Variants in PIKFYVE observed in about 807,000 individuals in gnomAD.
The protein encoded by PIKFYVE is phosphoinositide kinase, FYVE-type zinc finger containing.
In PIKFYVE, 122 loss-of-function variants were observed where a neutral mutation model predicts 257.9. That is an observed-to-expected ratio of 0.47 (90% CI 0.41 to 0.55). The LOEUF is 0.55. PIKFYVE is among the 20% of genes least tolerant of loss of function. The pLI is 0.00. For missense variants in PIKFYVE, 2,160 were observed against 2,536.6 expected, an observed-to-expected ratio of 0.85 and a Z score of 3.19; for synonymous variants, 892 against 868.9, an observed-to-expected ratio of 1.03 and a Z score of -0.47.
chr2:208,266,091 G>C (rs34338022), upstream of PIKFYVE: 3,886 of 152,542 alleles, frequency 0.025, 43 homozygotes, highest in Middle Eastern at 0.037. Flanking sequence ...AGGCTGAAGC[G>C]GCCTAATCTC....
intron 17 of PIKFYVE, among the ~76,000 whole-genome samples, chr2:208,323,045 A>G (rs1190923294): frequency 6.6e-6 from 1 of 151,234 alleles, no homozygotes; most frequent in African/African-American, 2.4e-5. Context: ...TTATGGCTGC[A>G]GAGTATTCCA....
chr2:208,270,645 G>T (rs1689301832), intron 1 of PIKFYVE, among the ~76,000 whole-genome samples: 1 of 152,104 alleles, frequency 6.6e-6, no homozygotes, highest in Non-Finnish European at 1.5e-5. Context: ...AGTGTAGCTT[G>T]AGGTAATTGT....
intron 31 of PIKFYVE, among the ~76,000 whole-genome samples, chr2:208,340,509 T>G (rs1365498975): frequency 6.6e-6 from 1 of 152,216 alleles, no homozygotes. Flanking sequence ...CTAGCACTGA[T>G]GATGAACTAC....
At chr2:208,284,243 G>T (rs2125128020) in intron 5 of PIKFYVE, among the ~76,000 whole-genome samples, 1 of 149,642 alleles carries the variant, frequency 6.7e-6, no homozygotes, top group South Asian at 2.1e-4. Flanking sequence ...GTCCTCTCAA[G>T]AATATTTCAT....
chr2:208,316,208 C>G (rs371452255), intron 15 of PIKFYVE, among the ~76,000 whole-genome samples: 2 of 152,050 alleles, frequency 1.3e-5, no homozygotes, highest in Non-Finnish European at 2.9e-5. Flanking sequence ...CATGAACTCA[C>G]CCTTTTTTAT....
chr2:208,348,373 C>T (rs1201695016), intron 35 of PIKFYVE, among the ~76,000 whole-genome samples: 3 of 152,182 alleles, frequency 2.0e-5, no homozygotes, highest in South Asian at 2.1e-4. Context: ...TTTCATTCCA[C>T]TACTCCCTCA....
chr2:208,335,829 T>G lies in PIKFYVE; in HGVS notation c.4293T>G (p.Leu1431=), dbSNP rs1698082194. The G allele has an allele frequency of 6.2e-7, 1 of 1,613,152 alleles. No individual in the cohort carries two copies. Among genetic ancestry groups the G allele is most frequent in the Non-Finnish European group, 8.5e-7 (1 of 1,179,362 alleles). Residue 1431 remains leucine, a synonymous_variant, in exon 26 of 42, where the codon CTT becomes CTG. Coordinates refer to ENST00000264380, the MANE Select transcript of PIKFYVE (RefSeq NM_015040.4). ...TATATGTTGCCATTGATGAAAGACTTGCATCTTTGAAAACTGATACATTTA... is the reference window on the plus strand; with the variant it reads ...TATATGTTGCCATTGATGAAAGACTGGCATCTTTGAAAACTGATACATTTA... ...SQVYVAIDER[L]ASLKTDTFSK...
intron 39 of PIKFYVE, among the ~76,000 whole-genome samples, chr2:208,353,543 CTCT>C (rs1363475826): frequency 3.6e-5 from 5 of 139,908 alleles, no homozygotes; most frequent in African/African-American, 1.5e-4. Flanking sequence ...TTGCATCTCT[CTCT>C]TTTTTTTTTT....
At chr2:208,328,557 T>C (rs937367543) in intron 21 of PIKFYVE, among the ~76,000 whole-genome samples, 2 of 152,228 alleles carry the variant, frequency 1.3e-5, no homozygotes, top group African/African-American at 4.8e-5. Context: ...TCTGAAATGC[T>C]TGGGACCAGA....
At position 208,325,042 on chromosome 2, in the gene PIKFYVE, G is replaced by A; in HGVS notation, c.2458+5G>A. 6.2e-7 allele frequency: 1 copy of A among 1,614,110 alleles called. No homozygotes were observed. Among genetic ancestry groups the A allele is most frequent in the Non-Finnish European group, 8.5e-7 (1 of 1,179,982 alleles). On this transcript the variant is annotated splice_donor_5th_base_variant and intron_variant, in intron 19 of 41. Coordinates refer to ENST00000264380, the MANE Select transcript of PIKFYVE (RefSeq NM_015040.4). ...AGATATTTCAGTTGCCTAATGGTGA[G>A]TGATCTTTAGCATAGATTGACCTGA...
At chr2:208,302,409 T>C (rs189079527) in intron 10 of PIKFYVE, 56 bp downstream of exon 10, 1 of 1,407,428 alleles carries the variant, frequency 7.1e-7, no homozygotes, top group Non-Finnish European at 1.0e-6. Flanking sequence ...TTATAGTCTT[T>C]CTTCATCAGT....
At chr2:208,276,577 C>T (rs1022665519) in intron 3 of PIKFYVE, 135 bp from the exon 4 acceptor site, 28 of 757,508 alleles carry the variant, frequency 3.7e-5, no homozygotes, top group Non-Finnish European at 6.3e-5. Flanking sequence ...TGTTTTAACT[C>T]TCAATTCATA....
At chr2:208,309,928 A>G (rs1694766677) in intron 12 of PIKFYVE, among the ~76,000 whole-genome samples, 2 of 152,246 alleles carry the variant, frequency 1.3e-5, no homozygotes, top group African/African-American at 4.8e-5. Flanking sequence ...AGAATATTAC[A>G]GAGGAGGTTC....
In PIKFYVE at chr2:208,304,984, A is replaced by T; in HGVS notation, c.1607A>T (p.His536Leu). 6.2e-7 allele frequency: 1 copy of T among 1,614,114 alleles called. No homozygotes were observed. The highest frequency in any genetic ancestry group is 8.5e-7 in the Non-Finnish European group (1 of 1,180,004). ...ATCAAGAAGCCCTCCAAGTACCCAC[A>T]TGTGCCCCCTCACCCTGCTGACCAA... is the stretch of plus-strand genomic sequence containing the variant. ...FHIKKPSKYP[H>L]VPPHPADQKE... The change falls in exon 12 of 42, where the codon CAT becomes CTT. Residue 536 changes from histidine (H) to leucine (L), a missense_variant. Transcript: ENST00000264380.
chr2:208,355,433 G>T lies in PIKFYVE; in HGVS notation c.*128G>T, dbSNP rs10208191. ...TATGCCAAGGCTTTTCAGTTCTGTG[G>T]CTGTTTAGACTGTCCGTAATGGAAT... On this transcript the variant is annotated 3_prime_UTR_variant, in exon 42 of 42. Transcript: ENST00000264380. 723,792 of 750,252 alleles carry T rather than the reference G, an allele frequency of 0.96. 350,164 individuals carry two copies. The highest frequency in any genetic ancestry group is 0.98 in the Non-Finnish European group (439,083 of 446,516). 46.5% of individuals were successfully genotyped at this position (750,252 alleles called of 1,614,324 possible).
At chr2:208,314,559 T>G in intron 14 of PIKFYVE, 136 bp downstream of exon 14, 1 of 1,073,742 alleles carries the variant, frequency 9.3e-7, no homozygotes, top group Non-Finnish European at 1.3e-6. Flanking sequence ...CTAAGGTTAC[T>G]TAGGAAATAC....
chr2:208,331,598 A>G (rs1220807832), intron 23 of PIKFYVE, among the ~76,000 whole-genome samples: 2 of 152,180 alleles, frequency 1.3e-5, no homozygotes, highest in Non-Finnish European at 2.9e-5. Context: ...GCTGGTCTCA[A>G]ACTCCTGACC....
chr2:208,351,555 C>A, intron 38 of PIKFYVE, 100 bp downstream of exon 38: 2 of 991,242 alleles, frequency 2.0e-6, no homozygotes, highest in Non-Finnish European at 3.2e-6. Flanking sequence ...TAAAGAAATA[C>A]CTGAGGCTGG....
At chr2:208,267,027 G>A (rs201164525) in intron 1 of PIKFYVE, among the ~76,000 whole-genome samples, 1 of 152,186 alleles carries the variant, frequency 6.6e-6, no homozygotes, top group Non-Finnish European at 1.5e-5. Flanking sequence ...GGACTTAGGG[G>A]TTTTCTGCCC....
Sources: gnomAD v4.1 joint callset for allele counts (sites outside exome capture counted in the v4.1 genomes callset) on GRCh38, gnomAD v4.1.1 for gene constraint, MANE v1.5 for transcripts, NCBI Gene and HGNC (gene_info 2026-07-23, HGNC 2026-07-21) for gene names.